The following CSMD1 variants were observed in gnomAD, a reference collection of about 807,000 sequenced individuals.
CSMD1 encodes CUB and sushi domain-containing protein 1.
In CSMD1, 213 loss-of-function variants were observed where a neutral mutation model predicts 417.5. The observed-to-expected ratio is 0.51, with a 90% confidence interval of 0.46 to 0.57. CSMD1 has a LOEUF of 0.57. Ranked by LOEUF, CSMD1 falls within the 20% of genes least tolerant of loss-of-function variation. The pLI, the probability that CSMD1 is intolerant of heterozygous loss-of-function variation, is 0.00. For missense variants in CSMD1, 6,923 were observed against 4,529.7 expected, an observed-to-expected ratio of 1.53 and a Z score of -15.17; for synonymous variants, 2,862 against 1,736.8, an observed-to-expected ratio of 1.65 and a Z score of -16.11.
chr8:4,288,857 G>A (rs1015928265), intron 3 of CSMD1, among the ~76,000 whole-genome samples: 5 of 152,118 alleles, frequency 3.3e-5, no homozygotes, highest in Non-Finnish European at 7.4e-5. Context: ...ATACCAGTAT[G>A]CTATGAATTA....
At position 2,966,927 on chromosome 8, in the gene CSMD1, A is replaced by G. The variant is rs76609626; in HGVS notation, c.8924-181T>C. Among the ~76,000 whole-genome samples the G allele has an allele frequency of 9.7e-3, 1,475 of 152,314 alleles. 19 individuals are homozygous for G. Among genetic ancestry groups the G allele is most frequent in the African/African-American group, 0.031 (1,295 of 41,566 alleles). ...TATGGCTCATATGTTTATTTTACTG[A>G]TTAGCTACAAATATAAAAATAACCT... On this transcript the variant is annotated intron_variant, in intron 57 of 69. Transcript: ENST00000635120.
intron 2 of CSMD1, among the ~76,000 whole-genome samples, chr8:4,628,708 C>T (rs920569034): frequency 2.6e-5 from 4 of 151,654 alleles, no homozygotes; most frequent in Non-Finnish European, 5.9e-5. Flanking sequence ...GTTAAAATTA[C>T]ACTGACTCAT....
intron 15 of CSMD1, 110 bp downstream of exon 15, chr8:3,405,917 T>G (rs1443675753): frequency 1.0e-6 from 1 of 991,840 alleles, no homozygotes; most frequent in East Asian, 2.5e-5. Context: ...GTGTGTGGTA[T>G]TTTGTTAGGG....
At chr8:4,041,017 C>CTTTTT (rs36145371) in intron 3 of CSMD1, among the ~76,000 whole-genome samples, 3 of 100,156 alleles carry the variant, frequency 3.0e-5, no homozygotes, top group African/African-American at 1.0e-4. Flanking sequence ...TTTTTTTTTC[C>CTTTTT]TTTTTTTTTT....
At chr8:3,507,233 TA>T (rs531578916) in intron 10 of CSMD1, among the ~76,000 whole-genome samples, 166 of 152,322 alleles carry the variant, frequency 1.1e-3, no homozygotes, top group African/African-American at 3.8e-3. Context: ...ACCTATACAA[TA>T]TTTTTTTTGT....
intron 1 of CSMD1, among the ~76,000 whole-genome samples, chr8:4,921,883 T>C (rs1309903320): frequency 6.6e-6 from 1 of 152,202 alleles, no homozygotes; most frequent in Non-Finnish European, 1.5e-5. Flanking sequence ...CTGTATTCAC[T>C]CAGAATTGAA....
At chr8:4,494,760 C>G (rs1364448911) in intron 2 of CSMD1, among the ~76,000 whole-genome samples, 1 of 151,762 alleles carries the variant, frequency 6.6e-6, no homozygotes, top group African/African-American at 2.4e-5. Context: ...TTGTTGATTA[C>G]CTATTCTCTA....
At chr8:3,746,746 T>A (rs565361638) in intron 6 of CSMD1, among the ~76,000 whole-genome samples, 3 of 152,220 alleles carry the variant, frequency 2.0e-5, no homozygotes, top group Non-Finnish European at 4.4e-5. Flanking sequence ...CCTTACCAGA[T>A]ACCCAGAAGC....
chr8:4,094,966 G>C (rs1364634037), intron 3 of CSMD1, among the ~76,000 whole-genome samples: 3 of 152,212 alleles, frequency 2.0e-5, no homozygotes, highest in East Asian at 1.9e-4. Flanking sequence ...AGTGAATAAA[G>C]TATTCAATAA....
chr8:3,709,788 C>G (rs995716479), intron 6 of CSMD1, among the ~76,000 whole-genome samples: 2 of 141,908 alleles, frequency 1.4e-5, no homozygotes, highest in African/African-American at 2.6e-5. Context: ...CCTTTCAGGT[C>G]TTCGGTCTTG....
At chr8:3,778,076 G>A (rs1294972493) in intron 5 of CSMD1, among the ~76,000 whole-genome samples, 3 of 152,350 alleles carry the variant, frequency 2.0e-5, no homozygotes, top group Middle Eastern at 6.8e-3. Context: ...AGGGGAAACT[G>A]GAGTTTGAGA....
chr8:3,594,135 C>G (rs918801520), intron 8 of CSMD1, among the ~76,000 whole-genome samples: 1 of 152,170 alleles, frequency 6.6e-6, no homozygotes, highest in African/African-American at 2.4e-5. Context: ...ACTCTTCACT[C>G]TTTTCCATGG....
intron 3 of CSMD1, among the ~76,000 whole-genome samples, chr8:4,049,136 T>C (rs1421551351): frequency 1.3e-5 from 2 of 152,188 alleles, no homozygotes; most frequent in Admixed American, 1.3e-4. Context: ...CAGCTATTCT[T>C]TCTTATTCTT....
At chr8:3,583,120 C>A (rs930577656) in intron 9 of CSMD1, among the ~76,000 whole-genome samples, 19 of 152,228 alleles carry the variant, frequency 1.2e-4, no homozygotes, top group African/African-American at 4.6e-4. Context: ...CCCTATCTTT[C>A]CTTCCTAACA....
chr8:3,689,695 T>C (rs1458979406), intron 7 of CSMD1, among the ~76,000 whole-genome samples: 1 of 149,600 alleles, frequency 6.7e-6, no homozygotes, highest in Non-Finnish European at 1.5e-5. Context: ...ACGTCAATCC[T>C]ATGAGTAAAG....
intron 18 of CSMD1, among the ~76,000 whole-genome samples, chr8:3,374,451 G>A (rs1810182624): frequency 1.3e-5 from 2 of 152,124 alleles, no homozygotes; most frequent in Non-Finnish European, 2.9e-5. Flanking sequence ...TAATGGGGAA[G>A]GCAAATAACT....
At chr8:4,180,922 T>G (rs1407636834) in intron 3 of CSMD1, among the ~76,000 whole-genome samples, 1 of 152,152 alleles carries the variant, frequency 6.6e-6, no homozygotes, top group South Asian at 2.1e-4. Flanking sequence ...ATTTTCAAGG[T>G]GCCAAAATTG....
intron 6 of CSMD1, among the ~76,000 whole-genome samples, chr8:3,717,723 G>T (rs118121393): frequency 3.9e-4 from 60 of 152,260 alleles, no homozygotes; most frequent in African/African-American, 1.4e-3. Context: ...TAAAAATAAA[G>T]TTGTTAATAT....
chr8:4,293,807 A>G (rs761014758), intron 3 of CSMD1, among the ~76,000 whole-genome samples: 2 of 152,224 alleles, frequency 1.3e-5, no homozygotes, highest in Non-Finnish European at 2.9e-5. Flanking sequence ...CAAAATGAAC[A>G]TGCATTTCTA....
Sources: gnomAD v4.1 joint callset for allele counts (sites outside exome capture counted in the v4.1 genomes callset) on GRCh38, gnomAD v4.1.1 for gene constraint, MANE v1.5 for transcripts, NCBI Gene and HGNC (gene_info 2026-07-23, HGNC 2026-07-21) for gene names.